Variants in OR2L13 observed in about 807,000 individuals in gnomAD.
OR2L13 encodes olfactory receptor 2L13.
In OR2L13, 14 loss-of-function variants were observed where a neutral mutation model predicts 15.3. That is an observed-to-expected ratio of 0.91 (90% CI 0.60 to 1.43). The LOEUF is 1.43. Ranked by LOEUF, OR2L13 falls within the 40% of genes most tolerant of loss-of-function variation. OR2L13 has a pLI of 0.00. For synonymous variants in OR2L13, 152 were observed against 142.9 expected (o/e 1.06, Z -0.45); for missense variants, 367 against 387.9 (o/e 0.95, Z 0.45).
chr1:248,077,053 C>A, the OR2L13 span, among the ~76,000 whole-genome samples: 606 of 151,782 alleles, frequency 4.0e-3, 6 homozygotes, highest in African/African-American at 0.014. Flanking sequence ...TAGCATGAAG[C>A]ACTGTTGAAT....
the OR2L13 span, among the ~76,000 whole-genome samples, chr1:248,069,792 A>T: frequency 6.6e-6 from 1 of 152,166 alleles, no homozygotes; most frequent in South Asian, 2.1e-4. Context: ...CTACCAGGGA[A>T]ATGGAAAACA....
chr1:247,987,730 C>T, the OR2L13 span, among the ~76,000 whole-genome samples: 18 of 151,978 alleles, frequency 1.2e-4, no homozygotes, highest in Non-Finnish European at 2.4e-4. Context: ...AAATACCAGC[C>T]CTTGACTCAT....
At chr1:248,076,683 C>T in the OR2L13 span, among the ~76,000 whole-genome samples, 1 of 152,116 alleles carries the variant, frequency 6.6e-6, no homozygotes, top group Non-Finnish European at 1.5e-5. Flanking sequence ...GATTTTTGCA[C>T]ATTGATTTTG....
chr1:248,012,197 AG>A, the OR2L13 span, among the ~76,000 whole-genome samples: 2 of 152,140 alleles, frequency 1.3e-5, no homozygotes, highest in South Asian at 4.1e-4. Context: ...CAGGGAGAAC[AG>A]GGGTATTTCA....
chr1:247,958,570 G>A, the OR2L13 span, among the ~76,000 whole-genome samples: 188 of 152,020 alleles, frequency 1.2e-3, no homozygotes, highest in Non-Finnish European at 2.2e-3. Flanking sequence ...TTATTGTGTG[G>A]GAGTCTAAGT....
chr1:247,983,074 GTGTA>G, the OR2L13 span, among the ~76,000 whole-genome samples: 1 of 152,082 alleles, frequency 6.6e-6, no homozygotes, highest in African/African-American at 2.4e-5. Flanking sequence ...CAACTTATAT[GTGTA>G]TGTGTTTGTT....
chr1:248,087,917 A>G, the OR2L13 span, among the ~76,000 whole-genome samples: 1 of 152,202 alleles, frequency 6.6e-6, no homozygotes, highest in Non-Finnish European at 1.5e-5. Context: ...TAATTACCTG[A>G]AATAAATTTT....
chr1:248,007,614 T>A, the OR2L13 span, among the ~76,000 whole-genome samples: 1 of 152,256 alleles, frequency 6.6e-6, no homozygotes, highest in African/African-American at 2.4e-5. Context: ...ACAGAGTTCT[T>A]GGCTAATTTT....
chr1:247,966,129 C>G, the OR2L13 span: 1 of 1,614,036 alleles, frequency 6.2e-7, no homozygotes, highest in African/African-American at 1.3e-5. Context: ...CAAGCCTGTT[C>G]TATGCAACCA....
the OR2L13 span, chr1:248,083,849 A>C: frequency 6.2e-7 from 1 of 1,612,734 alleles, no homozygotes; most frequent in Non-Finnish European, 8.5e-7. Context: ...CAGCTCCATA[A>C]AAGAGTCCCA....
chr1:248,089,218 G>A, the OR2L13 span, among the ~76,000 whole-genome samples: 2 of 152,128 alleles, frequency 1.3e-5, no homozygotes, highest in South Asian at 2.1e-4. Flanking sequence ...TATAAAGGAC[G>A]CAAATGAAGA....
upstream of OR2L13, among the ~76,000 whole-genome samples, chr1:248,094,127 C>A (rs1185444104): frequency 6.6e-6 from 1 of 152,046 alleles, no homozygotes; most frequent in East Asian, 1.9e-4. Context: ...CCCAAATACC[C>A]TTATTTGCTC....
chr1:248,078,838 G>T, the OR2L13 span, among the ~76,000 whole-genome samples: 6 of 150,966 alleles, frequency 4.0e-5, no homozygotes, highest in African/African-American at 1.2e-4. Flanking sequence ...AGGGCTCAAG[G>T]GCATTGTACT....
chr1:247,990,936 T>C, the OR2L13 span: 1 of 1,472,064 alleles, frequency 6.8e-7, no homozygotes, highest in Non-Finnish European at 9.5e-7. Flanking sequence ...TTCTCCTTGC[T>C]GTCTACCACA....
chr1:248,001,748 A>G, the OR2L13 span, among the ~76,000 whole-genome samples: 2 of 152,070 alleles, frequency 1.3e-5, no homozygotes, highest in East Asian at 3.9e-4. Flanking sequence ...TAGAATATTA[A>G]AACCCTGGAA....
the OR2L13 span, among the ~76,000 whole-genome samples, chr1:248,082,643 T>C: frequency 1.3e-5 from 2 of 152,228 alleles, no homozygotes; most frequent in Non-Finnish European, 2.9e-5. Context: ...CTGCCATCAT[T>C]ATCTAGCTTG....
At chr1:248,033,809 G>A in the OR2L13 span, among the ~76,000 whole-genome samples, 1 of 151,876 alleles carries the variant, frequency 6.6e-6, no homozygotes, top group Non-Finnish European at 1.5e-5. Flanking sequence ...GATTTCTGTA[G>A]TTCTTGGAAG....
chr1:247,960,363 TC>T, the OR2L13 span, among the ~76,000 whole-genome samples: 1 of 152,268 alleles, frequency 6.6e-6, no homozygotes, highest in African/African-American at 2.4e-5. Context: ...GGGGGGTGCC[TC>T]CCATTTAGGC....
At chr1:248,074,544 C>T in the OR2L13 span, among the ~76,000 whole-genome samples, 7 of 152,116 alleles carry the variant, frequency 4.6e-5, no homozygotes, top group Non-Finnish European at 7.4e-5. Flanking sequence ...CATTTCTATA[C>T]ACCAACAACG....
Sources: gnomAD v4.1 joint callset for allele counts (sites outside exome capture counted in the v4.1 genomes callset) on GRCh38, gnomAD v4.1.1 for gene constraint, MANE v1.5 for transcripts, NCBI Gene and HGNC (gene_info 2026-07-23, HGNC 2026-07-21) for gene names.